L3MBTL4: variants seen among roughly 807,000 people sequenced by gnomAD.
L3MBTL4 encodes the protein lethal(3)malignant brain tumor-like protein 4.
L3MBTL4 carries 70 observed loss-of-function variants against 84.5 expected under a neutral mutation model. The observed-to-expected ratio is 0.83, with a 90% CI of 0.68 to 1.01. The LOEUF is 1.01. Ranked by LOEUF, L3MBTL4 falls within the 50% of genes least tolerant of loss-of-function variation. L3MBTL4 has a pLI of 0.00. For missense variants in L3MBTL4, 715 were observed against 754.8 expected (o/e 0.95, Z 0.62); for synonymous variants, 274 against 259.8 (o/e 1.05, Z -0.52).
chr18:6,013,521 C>T (rs2054828580), intron 16 of L3MBTL4, among the ~76,000 whole-genome samples: 1 of 152,214 alleles, frequency 6.6e-6, no homozygotes, highest in African/African-American at 2.4e-5. Flanking sequence ...ACCGTCTCTC[C>T]CCATCTTCTC....
chr18:6,113,671 T>G (rs561900521), intron 14 of L3MBTL4, among the ~76,000 whole-genome samples: 15 of 152,258 alleles, frequency 9.9e-5, no homozygotes, highest in African/African-American at 3.6e-4. Context: ...TTCACTTGAT[T>G]CAAGATCACT....
At chr18:6,154,249 A>G (rs915503311) in intron 13 of L3MBTL4, among the ~76,000 whole-genome samples, 2 of 152,180 alleles carry the variant, frequency 1.3e-5, no homozygotes, top group African/African-American at 4.8e-5. Flanking sequence ...TTTGCTTTAC[A>G]TAATAATCAA....
At chr18:6,188,892 A>G (rs182679326) in intron 12 of L3MBTL4, among the ~76,000 whole-genome samples, 49 of 152,336 alleles carry the variant, frequency 3.2e-4, no homozygotes, top group Middle Eastern at 3.4e-3. Context: ...CCAGAGATGA[A>G]CTAAAGCTAA....
chr18:6,323,599 T>C (rs1197048462), intron 1 of L3MBTL4, among the ~76,000 whole-genome samples: 5 of 152,216 alleles, frequency 3.3e-5, no homozygotes, highest in Admixed American at 6.5e-5. Flanking sequence ...TTAGGGTATC[T>C]GGTGGAAAAA....
At chr18:6,295,346 C>CTCTCTCTCTATATATATATATATATA (rs1261475809) in intron 4 of L3MBTL4, among the ~76,000 whole-genome samples, 4 of 81,386 alleles carry the variant, frequency 4.9e-5, no homozygotes, top group African/African-American at 2.7e-4. Flanking sequence ...CTCTCTCTCT[C>CTCTCTCTCTATATATATATATATATA]TATATATATA....
At chr18:6,253,684 C>T (rs2048021338) in intron 5 of L3MBTL4, among the ~76,000 whole-genome samples, 1 of 152,244 alleles carries the variant, frequency 6.6e-6, no homozygotes, top group Non-Finnish European at 1.5e-5. Context: ...CCACAGGCTG[C>T]ATCCTTCCAA....
chr18:6,071,194 C>A (rs898377818), intron 16 of L3MBTL4, among the ~76,000 whole-genome samples: 7 of 151,098 alleles, frequency 4.6e-5, no homozygotes, highest in African/African-American at 1.5e-4. Flanking sequence ...AGTTTGAGAC[C>A]AGCCTGGCCA....
At chr18:6,204,219 C>T (rs2045772766) in intron 12 of L3MBTL4, among the ~76,000 whole-genome samples, 1 of 152,252 alleles carries the variant, frequency 6.6e-6, no homozygotes, top group South Asian at 2.1e-4. Flanking sequence ...TGGCCTGGTC[C>T]TATTGTTTCC....
chr18:6,247,598 C>A (rs1393534211), intron 5 of L3MBTL4, among the ~76,000 whole-genome samples: 2 of 149,882 alleles, frequency 1.3e-5, no homozygotes, highest in African/African-American at 4.9e-5. Flanking sequence ...CCTGCCTCAG[C>A]ATCCCGAGTA....
intron 12 of L3MBTL4, among the ~76,000 whole-genome samples, chr18:6,175,830 C>T (rs1340531419): frequency 1.3e-5 from 2 of 151,562 alleles, no homozygotes; most frequent in East Asian, 1.9e-4. Context: ...TGCAATTAGG[C>T]AAGAGAAAGA....
intron 14 of L3MBTL4, among the ~76,000 whole-genome samples, chr18:6,130,894 T>A (rs1568172011): frequency 6.6e-6 from 1 of 152,216 alleles, no homozygotes; most frequent in Non-Finnish European, 1.5e-5. Context: ...GCAATTTATT[T>A]CAAATAATAA....
At chr18:6,229,765 T>C (rs756617167) in intron 10 of L3MBTL4, among the ~76,000 whole-genome samples, 1 of 152,168 alleles carries the variant, frequency 6.6e-6, no homozygotes, top group Non-Finnish European at 1.5e-5. Flanking sequence ...GGCTCCCTTG[T>C]TGAAAATCAT....
At chr18:6,104,198 A>G (rs1011904726) in intron 14 of L3MBTL4, among the ~76,000 whole-genome samples, 1 of 152,230 alleles carries the variant, frequency 6.6e-6, no homozygotes, top group Non-Finnish European at 1.5e-5. Context: ...TAAAAATTAC[A>G]TATGATCCAG....
At chr18:6,078,426 CAAAAAAAAAAAACAAA>C (rs1352260128) in intron 16 of L3MBTL4, among the ~76,000 whole-genome samples, 2 of 34,878 alleles carry the variant, frequency 5.7e-5, no homozygotes, top group African/African-American at 1.9e-4. Context: ...GAGTCCACCT[CAAAAAAAAAAAACAAA>C]AAAAAAAAAA....
chr18:6,117,225 G>A (rs1429661439), intron 14 of L3MBTL4, among the ~76,000 whole-genome samples: 1 of 152,212 alleles, frequency 6.6e-6, no homozygotes, highest in Non-Finnish European at 1.5e-5. Flanking sequence ...CAAAGGTGGG[G>A]TGAGGTCAGA....
chr18:6,380,591 GAGCA>G (rs2054558649), intron 1 of L3MBTL4, among the ~76,000 whole-genome samples: 1 of 152,164 alleles, frequency 6.6e-6, no homozygotes, highest in African/African-American at 2.4e-5. Context: ...AGTCATTCGG[GAGCA>G]GGTTGTTCAG....
intron 13 of L3MBTL4, among the ~76,000 whole-genome samples, chr18:6,150,710 C>T (rs1187081974): frequency 1.3e-5 from 2 of 152,174 alleles, no homozygotes; most frequent in Non-Finnish European, 2.9e-5. Flanking sequence ...TTTGTCCAGA[C>T]TGTAGAACTG....
At chr18:6,039,223 C>T (rs528356598) in intron 16 of L3MBTL4, among the ~76,000 whole-genome samples, 1 of 152,168 alleles carries the variant, frequency 6.6e-6, no homozygotes. Context: ...TTGATAAAGC[C>T]ACCCAGACTG....
At chr18:6,374,469 C>T (rs2054285480) in intron 1 of L3MBTL4, 1 of 154,804 alleles carries the variant, frequency 6.5e-6, no homozygotes, top group Non-Finnish European at 1.5e-5. Flanking sequence ...GCAAAGTCCA[C>T]ATTTCTTTTG....
Sources: gnomAD v4.1 joint callset for allele counts (sites outside exome capture counted in the v4.1 genomes callset) on GRCh38, gnomAD v4.1.1 for gene constraint, MANE v1.5 for transcripts, NCBI Gene and HGNC (gene_info 2026-07-23, HGNC 2026-07-21) for gene names.